Variants in VAC14 observed in about 807,000 individuals in gnomAD.
VAC14 encodes VAC14 component of PIKFYVE complex.
A neutral mutation model predicts 85.3 loss-of-function variants in VAC14; 47 were observed. The observed-to-expected ratio is 0.55, with a 90% CI of 0.44 to 0.70. The LOEUF is 0.70. Among genes scored for constraint, VAC14 ranks in the 30% least tolerant of loss-of-function variants. The pLI is 0.00. For synonymous variants in VAC14, 447 were observed against 430.5 expected (o/e 1.04, Z -0.47); for missense variants, 861 against 1,004.3 (o/e 0.86, Z 1.93).
chr16:70,724,225 A>G (rs114851205), intron 14 of VAC14, among the ~76,000 whole-genome samples: 2,359 of 152,168 alleles, frequency 0.016, 67 homozygotes, highest in African/African-American at 0.055. Context: ...TGTGGTATCC[A>G]TTTTGCAGGA....
chr16:70,760,200 T>C (rs1219852611), intron 12 of VAC14, among the ~76,000 whole-genome samples: 1 of 152,170 alleles, frequency 6.6e-6, no homozygotes, highest in Non-Finnish European at 1.5e-5. Flanking sequence ...CTGGCTGTGT[T>C]CCTGCTTAAC....
chr16:70,797,892 G>A (rs2034612884), intron 1 of VAC14, among the ~76,000 whole-genome samples: 2 of 152,146 alleles, frequency 1.3e-5, no homozygotes, highest in Non-Finnish European at 2.9e-5. Context: ...CATCATGATT[G>A]GAAGCATCCT....
chr16:70,750,922 A>G (rs1262966102), intron 12 of VAC14, among the ~76,000 whole-genome samples: 1 of 152,128 alleles, frequency 6.6e-6, no homozygotes, highest in Non-Finnish European at 1.5e-5. Context: ...CAGATTTGCA[A>G]GGTCAAGTGT....
intron 18 of VAC14, chr16:70,689,455 A>G: frequency 1.0e-6 from 1 of 977,400 alleles, no homozygotes; most frequent in Admixed American, 6.5e-5. Flanking sequence ...CAACGGCCAG[A>G]GCCTGACAGT....
chr16:70,688,417 G>T, intron 18 of VAC14: 2 of 1,019,166 alleles, frequency 2.0e-6, no homozygotes, highest in Non-Finnish European at 2.3e-6. Context: ...TGAAAGCCAG[G>T]GCTAGCAGCC....
intron 3 of VAC14, among the ~76,000 whole-genome samples, 175 bp downstream of exon 3, chr16:70,785,527 G>T (rs2034007797): frequency 6.6e-6 from 1 of 152,236 alleles, no homozygotes; most frequent in African/African-American, 2.4e-5. Context: ...ATGAAAAAAG[G>T]TATAAATGCA....
intron 9 of VAC14, chr16:70,778,333 G>A (rs2033629730): frequency 6.6e-6 from 1 of 152,136 alleles, no homozygotes; most frequent in Non-Finnish European, 1.5e-5. Flanking sequence ...AGGATGGAGT[G>A]GTTCCTTTCT....
At chr16:70,726,628 C>A (rs1040907482) in intron 14 of VAC14, among the ~76,000 whole-genome samples, 50 of 152,178 alleles carry the variant, frequency 3.3e-4, no homozygotes, top group Admixed American at 6.5e-4. Flanking sequence ...GGGGTTTGAG[C>A]CCCAAATGAG....
At chr16:70,744,265 T>G (rs2030647432) in intron 13 of VAC14, among the ~76,000 whole-genome samples, 158 bp downstream of exon 13, 1 of 152,062 alleles carries the variant, frequency 6.6e-6, no homozygotes, top group Non-Finnish European at 1.5e-5. Flanking sequence ...TGGGCGGTCT[T>G]GAGGTGGGAG....
rs146617185 is a variant in VAC14 at position 70,781,935 on chromosome 16, G to A, written c.880C>T (p.Leu294=). The part of the protein sequence containing the change: ...EFIQLAGRVM[L]PYSSGILTAV... The stretch of plus-strand genomic sequence containing the variant: ...GTCAGGATCCCGGAGGAGTAAGGCA[G>A]CATGACGCGGCCCGCCAGCTGGATG... Residue 294 remains leucine (L), a synonymous_variant, in exon 8 of 19, where the codon CTG becomes TTG. Coordinates refer to ENST00000261776, the MANE Select transcript of VAC14 (RefSeq NM_018052.5). 2.5e-3 allele frequency: 4,089 copies of A among 1,614,158 alleles called. 7 individuals carry two copies. Among genetic ancestry groups the A allele is most frequent in the Middle Eastern group, 8.6e-3 (52 of 6,062 alleles).
At chr16:70,743,862 C>T (rs943734949) in intron 13 of VAC14, among the ~76,000 whole-genome samples, 6 of 152,142 alleles carry the variant, frequency 3.9e-5, no homozygotes, top group African/African-American at 7.2e-5. Flanking sequence ...TGGCGTCTGC[C>T]GAGGCCTAGG....
chr16:70,795,415 A>G (rs1264961691), intron 1 of VAC14, among the ~76,000 whole-genome samples: 8 of 151,544 alleles, frequency 5.3e-5, no homozygotes, highest in Non-Finnish European at 1.5e-5. Context: ...AATGGCGTGA[A>G]CCTGAGAGGC....
chr16:70,736,200 A>C (rs1000505803), intron 13 of VAC14, among the ~76,000 whole-genome samples: 3 of 152,184 alleles, frequency 2.0e-5, no homozygotes, highest in African/African-American at 7.2e-5. Flanking sequence ...CTCATCTGTA[A>C]AGTGAGTGCA....
intron 14 of VAC14, among the ~76,000 whole-genome samples, chr16:70,707,172 T>G (rs1183921026): frequency 6.6e-6 from 1 of 152,254 alleles, no homozygotes; most frequent in East Asian, 1.9e-4. Flanking sequence ...TCCAACTCTC[T>G]GCTTCCAAGT....
Position 70,708,890 on chromosome 16 carries a change from G to A in VAC14, c.1662-10079C>T, listed in dbSNP as rs768182277. 7.9e-5 allele frequency among the ~76,000 whole-genome samples: 12 copies of A among 152,318 alleles called. No homozygotes were observed. The East Asian group carries it at 9.7e-4, about 12-fold the overall frequency. ...CCGGCCATGAAGCCTTGGCACGGCC[G>A]CAGGGACCTTCTTGCATGCTGAATC... On this transcript the variant is annotated intron_variant, in intron 14 of 18. Coordinates refer to ENST00000261776, the MANE Select transcript of VAC14 (RefSeq NM_018052.5).
chr16:70,693,482 G>A (rs188977230), intron 17 of VAC14, among the ~76,000 whole-genome samples: 81 of 152,320 alleles, frequency 5.3e-4, no homozygotes, highest in Admixed American at 9.1e-4. Flanking sequence ...ATGGAAAAAC[G>A]CCTTTGTGTG....
At chr16:70,749,419 T>C (rs1261750864) in intron 12 of VAC14, among the ~76,000 whole-genome samples, 1 of 152,258 alleles carries the variant, frequency 6.6e-6, no homozygotes, top group Non-Finnish European at 1.5e-5. Context: ...ATTGCACAAT[T>C]AAAGCCGGAA....
chr16:70,743,880 G>A (rs2030604567), intron 13 of VAC14, among the ~76,000 whole-genome samples: 1 of 152,182 alleles, frequency 6.6e-6, no homozygotes, highest in African/African-American at 2.4e-5. Flanking sequence ...AGGGAGAAGA[G>A]CTGGCCTGCC....
At chr16:70,746,754 C>T (rs2030927888) in intron 12 of VAC14, among the ~76,000 whole-genome samples, 2 of 152,154 alleles carry the variant, frequency 1.3e-5, no homozygotes, top group African/African-American at 4.8e-5. Context: ...CGGTCCTGCC[C>T]GATTCAGCCC....
Sources: gnomAD v4.1 joint callset for allele counts (sites outside exome capture counted in the v4.1 genomes callset) on GRCh38, gnomAD v4.1.1 for gene constraint, MANE v1.5 for transcripts, NCBI Gene and HGNC (gene_info 2026-07-23, HGNC 2026-07-21) for gene names.